Variants in EPM2A observed in about 807,000 individuals in gnomAD.
EPM2A encodes the protein laforin.
In EPM2A, 21 loss-of-function variants were observed where a neutral mutation model predicts 26.5. The ratio of observed to expected loss-of-function variants is 0.79; its 90% CI spans 0.56 to 1.14. EPM2A has a LOEUF of 1.14. EPM2A is among the 50% of genes most tolerant of loss of function. The probability of loss-of-function intolerance (pLI) is 0.00; values close to 1 mark genes in which losing one functional copy is unlikely to be tolerated. For synonymous variants in EPM2A, 217 were observed against 177.6 expected (o/e 1.22, Z -1.76); for missense variants, 458 against 440.8 (o/e 1.04, Z -0.35).
chr6:145,559,135 T>C (rs1780771428), intron 2 of EPM2A, among the ~76,000 whole-genome samples: 1 of 152,120 alleles, frequency 6.6e-6, no homozygotes, highest in African/African-American at 2.4e-5. Flanking sequence ...GTATAAAATA[T>C]AGAAGTGAAT....
chr6:145,434,254 ATCTC>A (rs1305180190), intron 4 of EPM2A, among the ~76,000 whole-genome samples: 11 of 141,682 alleles, frequency 7.8e-5, no homozygotes, highest in South Asian at 6.7e-4. Flanking sequence ...TCTTTTTTTT[ATCTC>A]TCTCTCTCTT....
intron 2 of EPM2A, among the ~76,000 whole-genome samples, chr6:145,654,745 T>A (rs948233221): frequency 6.6e-6 from 1 of 152,236 alleles, no homozygotes; most frequent in African/African-American, 2.4e-5. Flanking sequence ...TATGGCTTGA[T>A]AACTGTCTAC....
In EPM2A at chr6:145,395,543, A is replaced by G. The variant is rs1400926826; in HGVS notation, c.556-11446T>C. Among the ~76,000 whole-genome samples, 4 of 152,050 alleles carry G rather than the reference A, an allele frequency of 2.6e-5. No homozygotes were observed. The South Asian group carries it at 6.2e-4, about 24-fold the overall frequency. ...AAAAACAACGAGAGCCCCTCTCACT[A>G]TACATGTTCCTTATTCAGTTGAGGC... On this transcript the variant is annotated intron_variant, in intron 4 of 4. Coordinates refer to the EPM2A transcript ENST00000638717.
At chr6:145,473,178 T>G (rs970877953) in intron 4 of EPM2A, among the ~76,000 whole-genome samples, 38 of 151,964 alleles carry the variant, frequency 2.5e-4, no homozygotes, top group Admixed American at 2.1e-3. Flanking sequence ...GAATTCAGAA[T>G]TCTATCAGAT....
intron 2 of EPM2A, among the ~76,000 whole-genome samples, chr6:145,620,024 T>C (rs1236285255): frequency 1.3e-5 from 2 of 152,170 alleles, no homozygotes; most frequent in Non-Finnish European, 2.9e-5. Context: ...GAGCAGTAAT[T>C]AGCATCGTTT....
Position 145,675,964 on chromosome 6 carries a change from A to C in EPM2A, c.476+10158T>G, listed in dbSNP as rs1036554410. Among the ~76,000 whole-genome samples, 3 of 152,216 alleles carry C rather than the reference A, an allele frequency of 2.0e-5. No individual in the cohort carries two copies. In the East Asian group the frequency reaches 5.8e-4, roughly 29 times the overall value. ...ACATCTACAGAACTTTTCACCCAAA[A>C]TCAACAGAATATACATTCTTCTCAG... On this transcript the variant is annotated intron_variant, in intron 2 of 3. Transcript: ENST00000367519.
chr6:145,519,400 G>C (rs1448458543), intron 2 of EPM2A, among the ~76,000 whole-genome samples: 1 of 152,134 alleles, frequency 6.6e-6, no homozygotes, highest in African/African-American at 2.4e-5. Context: ...AAATGCCCCT[G>C]AGATATGGTT....
At chr6:145,512,710 C>CAAAAAAAAA (rs58668403) in intron 2 of EPM2A, among the ~76,000 whole-genome samples, 1 of 22,542 alleles carries the variant, frequency 4.4e-5, no homozygotes, top group East Asian at 1.0e-3. Flanking sequence ...GACTCCATCT[C>CAAAAAAAAA]AAAAAAAAAA....
At chr6:145,534,726 G>T (rs986638928) in intron 2 of EPM2A, among the ~76,000 whole-genome samples, 10 of 152,168 alleles carry the variant, frequency 6.6e-5, no homozygotes, top group African/African-American at 9.7e-5. Context: ...GTTCTGATTT[G>T]CTCTATTTTG....
intron 4 of EPM2A, among the ~76,000 whole-genome samples, chr6:145,478,461 A>G (rs1779568278): frequency 6.6e-6 from 1 of 151,920 alleles, no homozygotes; most frequent in Non-Finnish European, 1.5e-5. Flanking sequence ...AAAGACCCAG[A>G]ATAATCAAAG....
chr6:145,491,444 T>C (rs1422527648), intron 4 of EPM2A, among the ~76,000 whole-genome samples: 2 of 152,112 alleles, frequency 1.3e-5, no homozygotes, highest in East Asian at 3.9e-4. Context: ...CTGGACTCCT[T>C]TCTAAAGCAA....
intron 4 of EPM2A, among the ~76,000 whole-genome samples, chr6:145,408,093 C>G (rs1028843974): frequency 6.6e-6 from 1 of 152,156 alleles, no homozygotes; most frequent in South Asian, 2.1e-4. Context: ...ATTTGAAACT[C>G]TGCCTGTTAT....
intron 2 of EPM2A, among the ~76,000 whole-genome samples, chr6:145,561,122 T>C (rs897412481): frequency 1.3e-5 from 2 of 151,658 alleles, no homozygotes; most frequent in African/African-American, 4.8e-5. Context: ...AAGTGTCCTA[T>C]ACAGCTATAA....
At chr6:145,444,438 G>C (rs1331488098) in intron 4 of EPM2A, among the ~76,000 whole-genome samples, 2 of 152,148 alleles carry the variant, frequency 1.3e-5, no homozygotes, top group Non-Finnish European at 2.9e-5. Context: ...GCATACTGGG[G>C]ATAAAGCCTA....
intron 2 of EPM2A, among the ~76,000 whole-genome samples, chr6:145,582,741 A>T (rs1781132434): frequency 6.6e-6 from 1 of 152,204 alleles, no homozygotes; most frequent in Non-Finnish European, 1.5e-5. Context: ...ACATCTTTTA[A>T]TATATTTTCC....
intron 1 of EPM2A, chr6:145,734,884 T>G: frequency 5.7e-6 from 1 of 174,358 alleles, no homozygotes; most frequent in Non-Finnish European, 1.2e-5. Context: ...GCAGGCGCGG[T>G]TGGAAAGAAG....
At chr6:145,678,028 A>G (rs1780199457) in intron 2 of EPM2A, among the ~76,000 whole-genome samples, 1 of 152,194 alleles carries the variant, frequency 6.6e-6, no homozygotes, top group Non-Finnish European at 1.5e-5. Flanking sequence ...ACTTCAAACT[A>G]TACTACAAGG....
At chr6:145,686,723 C>A in intron 1 of EPM2A, 1 of 169,808 alleles carries the variant, frequency 5.9e-6, no homozygotes, top group Non-Finnish European at 1.3e-5. Flanking sequence ...AGTATCAGCT[C>A]AACAAAAAAA....
At chr6:145,391,859 C>T (rs961524101) in intron 4 of EPM2A, among the ~76,000 whole-genome samples, 4 of 151,930 alleles carry the variant, frequency 2.6e-5, no homozygotes, top group African/African-American at 9.7e-5. Context: ...TTTCTTCCTA[C>T]CTCTCCCTTC....
Sources: gnomAD v4.1 joint callset for allele counts (sites outside exome capture counted in the v4.1 genomes callset) on GRCh38, gnomAD v4.1.1 for gene constraint, MANE v1.5 for transcripts, NCBI Gene and HGNC (gene_info 2026-07-23, HGNC 2026-07-21) for gene names.